Variants in PDE10A observed in about 807,000 individuals in gnomAD.
The protein encoded by PDE10A is cAMP and cAMP-inhibited cGMP 3',5'-cyclic phosphodiesterase 10A.
A neutral mutation model predicts 97.7 loss-of-function variants in PDE10A; 39 were observed. That is an observed-to-expected ratio of 0.40 (90% CI 0.31 to 0.52). PDE10A has a LOEUF of 0.52. Ranked by LOEUF, PDE10A falls within the 20% of genes least tolerant of loss-of-function variation. The pLI is 0.56. For missense variants in PDE10A, 731 were observed against 1,047.8 expected (o/e 0.70, Z 4.17); for synonymous variants, 371 against 376.8 (o/e 0.98, Z 0.18).
chr6:165,800,641 G>A (rs898595509), intron 1 of PDE10A, among the ~76,000 whole-genome samples: 3 of 152,188 alleles, frequency 2.0e-5, no homozygotes, highest in Non-Finnish European at 2.9e-5. Flanking sequence ...TGTGATTTAT[G>A]ATCTGGACAC....
At chr6:165,681,209 C>G (rs567651942) in intron 1 of PDE10A, among the ~76,000 whole-genome samples, 11 of 152,328 alleles carry the variant, frequency 7.2e-5, no homozygotes, top group East Asian at 5.8e-4. Context: ...GTATCAGCAT[C>G]CATCTGATTA....
At chr6:165,806,788 T>C (rs1440474481) in intron 1 of PDE10A, among the ~76,000 whole-genome samples, 1 of 152,172 alleles carries the variant, frequency 6.6e-6, no homozygotes, top group African/African-American at 2.4e-5. Flanking sequence ...CCTCACACAC[T>C]GAGGAGAAAT....
intron 3 of PDE10A, among the ~76,000 whole-genome samples, chr6:165,474,369 C>T (rs1779177372): frequency 6.6e-6 from 1 of 152,192 alleles, no homozygotes; most frequent in Non-Finnish European, 1.5e-5. Context: ...AATAAGAGAT[C>T]TGAATAGCAG....
Position 165,494,465 on chromosome 6 carries a change from T to TG in PDE10A, c.995-12123dup, listed in dbSNP as rs1427043029. Among the ~76,000 whole-genome samples the TG allele has an allele frequency of 2.3e-5, 3 of 132,236 alleles. No individual in the cohort carries two copies. The East Asian group carries it at 6.8e-4, about 30-fold the overall frequency. The allele number at this position is 132,236 out of a possible 152,430, so 86.8% of individuals were successfully genotyped here. On this transcript the variant is annotated intron_variant, in intron 2 of 21. Transcript: ENST00000539869. ...TGGATAAAGAAAATGTGGGGGGGGG[T>TG]GTGTGTGTGTGTAATACACACAACA... is the stretch of plus-strand genomic sequence containing the variant.
intron 1 of PDE10A, among the ~76,000 whole-genome samples, chr6:165,832,812 A>G (rs1198837111): frequency 6.6e-6 from 1 of 152,208 alleles, no homozygotes. Context: ...AATGTGTTGG[A>G]GACATTTTGT....
chr6:165,472,141 T>C (rs1034763381), intron 3 of PDE10A, among the ~76,000 whole-genome samples: 28 of 152,220 alleles, frequency 1.8e-4, no homozygotes, highest in African/African-American at 6.0e-4. Flanking sequence ...TTTTAGGTGG[T>C]CTTTTCCTAA....
intron 1 of PDE10A, among the ~76,000 whole-genome samples, chr6:165,853,137 C>T (rs1394348724): frequency 1.3e-5 from 2 of 152,232 alleles, no homozygotes; most frequent in Non-Finnish European, 2.9e-5. Context: ...TCAACTTCTC[C>T]ACAGTCCCGG....
chr6:165,943,222 A>AGAAGGAAGGAAGGAAGGAAG (rs1783612749), intron 1 of PDE10A, among the ~76,000 whole-genome samples: 7 of 64,720 alleles, frequency 1.1e-4, no homozygotes, highest in African/African-American at 4.1e-4. Flanking sequence ...AAAGAAAGAA[A>AGAAGGAAGGAAGGAAGGAAG]GAAAGAAAGA....
At chr6:165,966,731 G>A (rs1784523119) in intron 1 of PDE10A, among the ~76,000 whole-genome samples, 1 of 152,326 alleles carries the variant, frequency 6.6e-6, no homozygotes, top group South Asian at 2.1e-4. Context: ...CACGGTGCAT[G>A]CACTAAGTAA....
chr6:165,625,999 G>A lies in PDE10A; in HGVS notation c.865+35948C>T, dbSNP rs539604196. Among the ~76,000 whole-genome samples the A allele has an allele frequency of 1.8e-4, 27 of 152,318 alleles. No homozygotes were observed. In the South Asian group the frequency reaches 2.1e-3, roughly 12 times the overall value. On this transcript the variant is annotated intron_variant, in intron 1 of 21. Transcript: ENST00000539869. ...GACAAAGCTGTGGGACTAAGTGGGC[G>A]AAGAGAGAGGTTGGAGGCCTGAGCT... is the stretch of plus-strand genomic sequence containing the variant.
At chr6:165,851,565 G>A (rs1780573239) in intron 1 of PDE10A, among the ~76,000 whole-genome samples, 1 of 152,222 alleles carries the variant, frequency 6.6e-6, no homozygotes, top group African/African-American at 2.4e-5. Context: ...AGTCGTTCCA[G>A]TACGAGGTGG....
rs1781368162 is a variant in PDE10A at position 165,331,957 on chromosome 6, A to G, written c.*1068T>C. 1 of 152,214 alleles carries G rather than the reference A, an allele frequency of 6.6e-6. No individual in the cohort carries two copies. Among genetic ancestry groups the G allele is most frequent in the Non-Finnish European group, 1.5e-5 (1 of 68,038 alleles). The allele number at this position is 152,214 out of a possible 1,614,324, so 9.4% of individuals were successfully genotyped here. On this transcript the variant is annotated 3_prime_UTR_variant, in exon 22 of 22. Transcript: ENST00000539869. ...AATACGACCGTGCAGTACGTGGAAG[A>G]GATAAGTGAGAGGTGACTGCGGCAG...
chr6:165,441,279 A>G (rs1379226230), intron 5 of PDE10A, among the ~76,000 whole-genome samples: 1 of 152,182 alleles, frequency 6.6e-6, no homozygotes, highest in Non-Finnish European at 1.5e-5. Flanking sequence ...CCTCTCTGTT[A>G]GCACATAAAA....
chr6:165,872,428 G>A (rs1199834512), intron 1 of PDE10A, among the ~76,000 whole-genome samples: 1 of 152,154 alleles, frequency 6.6e-6, no homozygotes, highest in Non-Finnish European at 1.5e-5. Context: ...GGGTCCAGAG[G>A]ATGCGTCTTG....
chr6:165,440,108 A>G (rs2128242747), intron 5 of PDE10A, among the ~76,000 whole-genome samples: 1 of 152,358 alleles, frequency 6.6e-6, no homozygotes, highest in East Asian at 1.9e-4. Context: ...TTTAGACACT[A>G]GATGGCACTG....
chr6:165,744,421 T>C (rs1002696124), intron 1 of PDE10A, among the ~76,000 whole-genome samples: 12 of 152,190 alleles, frequency 7.9e-5, no homozygotes, highest in African/African-American at 2.7e-4. Flanking sequence ...ATTATACCTT[T>C]CATGTTTAAT....
chr6:165,644,504 T>G (rs1789296351), intron 1 of PDE10A, among the ~76,000 whole-genome samples: 1 of 152,068 alleles, frequency 6.6e-6, no homozygotes. Flanking sequence ...TGCCCAGAGG[T>G]AAGGGCAACA....
chr6:165,713,939 C>T (rs1333366072), intron 1 of PDE10A, among the ~76,000 whole-genome samples: 2 of 152,206 alleles, frequency 1.3e-5, no homozygotes, highest in African/African-American at 4.8e-5. Flanking sequence ...TGGATTGAAA[C>T]ACATGTCACA....
At chr6:165,688,403 G>C (rs903516521) in intron 1 of PDE10A, among the ~76,000 whole-genome samples, 1 of 152,150 alleles carries the variant, frequency 6.6e-6, no homozygotes, top group South Asian at 2.1e-4. Context: ...ATATTGGACC[G>C]GTACTGAAAT....
Sources: gnomAD v4.1 joint callset for allele counts (sites outside exome capture counted in the v4.1 genomes callset) on GRCh38, gnomAD v4.1.1 for gene constraint, MANE v1.5 for transcripts, NCBI Gene and HGNC (gene_info 2026-07-23, HGNC 2026-07-21) for gene names.